SNX29: variants seen among roughly 807,000 people sequenced by gnomAD.
SNX29 encodes the protein sorting nexin-29.
SNX29 carries 78 observed loss-of-function variants against 102.1 expected under a neutral mutation model. The observed-to-expected ratio is 0.76, with a 90% CI of 0.64 to 0.92. The LOEUF is 0.92. SNX29 is among the 40% of genes least tolerant of loss of function. The probability of loss-of-function intolerance (pLI) is 0.00; values close to 1 mark genes in which losing one functional copy is unlikely to be tolerated. For missense variants in SNX29, 1,280 were observed against 1,061.7 expected, an observed-to-expected ratio of 1.21 and a Z score of -2.86; for synonymous variants, 580 against 414.5, an observed-to-expected ratio of 1.40 and a Z score of -4.85.
At chr16:12,245,523 G>T (rs891068082) in intron 14 of SNX29, among the ~76,000 whole-genome samples, 2 of 151,718 alleles carry the variant, frequency 1.3e-5, no homozygotes, top group South Asian at 4.2e-4. Context: ...ACTTCTTCTA[G>T]TTATATTTAT....
intron 13 of SNX29, among the ~76,000 whole-genome samples, chr16:12,158,865 T>G (rs1373026281): frequency 6.6e-6 from 1 of 152,220 alleles, no homozygotes; most frequent in Non-Finnish European, 1.5e-5. Context: ...AGTATTGACT[T>G]CTGTCCCACT....
At chr16:12,488,695 T>C (rs1033354100) in intron 19 of SNX29, among the ~76,000 whole-genome samples, 22 of 152,150 alleles carry the variant, frequency 1.4e-4, no homozygotes, top group Admixed American at 6.5e-5. Context: ...GATGCTCAGT[T>C]CCCATGTGGC....
chr16:12,088,259 C>G (rs568689918), intron 11 of SNX29: 1 of 384,408 alleles, frequency 2.6e-6, no homozygotes, highest in Non-Finnish European at 5.2e-6. Flanking sequence ...GCAGCGGGAC[C>G]GGCTCTGCGG....
intron 19 of SNX29, among the ~76,000 whole-genome samples, chr16:12,496,390 C>T (rs191892752): frequency 6.6e-6 from 1 of 152,238 alleles, no homozygotes; most frequent in East Asian, 1.9e-4. Flanking sequence ...CTCTTTATCT[C>T]ACGCTTCCTC....
chr16:12,391,552 C>A lies in SNX29; in HGVS notation c.1900-6894C>A, dbSNP rs553341135. 5.9e-5 allele frequency among the ~76,000 whole-genome samples: 9 copies of A among 152,296 alleles called. No individual in the cohort carries two copies. In the South Asian group the frequency reaches 1.7e-3, roughly 28 times the overall value. ...TTACAGTGAACACATGTATACCTAC[C>A]ACTTAGAGTCTACCATTAACATTTT... On this transcript the variant is annotated intron_variant, in intron 16 of 20. Transcript: ENST00000566228.
At chr16:12,022,628 C>T (rs1253667380) in intron 3 of SNX29, among the ~76,000 whole-genome samples, 2 of 152,176 alleles carry the variant, frequency 1.3e-5, no homozygotes, top group Non-Finnish European at 2.9e-5. Flanking sequence ...ATTTCAACTC[C>T]AGCCTTAGAG....
At chr16:12,522,292 C>T (rs936324760) in intron 19 of SNX29, among the ~76,000 whole-genome samples, 7 of 152,112 alleles carry the variant, frequency 4.6e-5, no homozygotes, top group South Asian at 2.1e-4. Context: ...CACTGGGTGC[C>T]GTGTATTCTC....
chr16:12,539,248 C>A (rs1214870117), intron 20 of SNX29, among the ~76,000 whole-genome samples: 1 of 152,176 alleles, frequency 6.6e-6, no homozygotes, highest in Admixed American at 6.5e-5. Context: ...CCCTAAAAAG[C>A]TGTTTTCCCC....
At chr16:12,320,965 G>A (rs752345738) in intron 15 of SNX29, among the ~76,000 whole-genome samples, 2 of 152,146 alleles carry the variant, frequency 1.3e-5, no homozygotes, top group African/African-American at 2.4e-5. Flanking sequence ...TTTGTTTTTC[G>A]TTATCTGTCC....
At chr16:12,101,604 G>A (rs2053024393) in intron 11 of SNX29, among the ~76,000 whole-genome samples, 1 of 151,852 alleles carries the variant, frequency 6.6e-6, no homozygotes. Context: ...GGCTGATCTT[G>A]AACTCCTGAC....
chr16:12,158,458 C>G (rs978448927), intron 13 of SNX29, among the ~76,000 whole-genome samples: 2 of 152,214 alleles, frequency 1.3e-5, no homozygotes, highest in African/African-American at 4.8e-5. Context: ...CCTCGGCCTC[C>G]CAAAGTGCTG....
intron 1 of SNX29, among the ~76,000 whole-genome samples, chr16:11,992,436 C>G (rs1279456513): frequency 1.3e-5 from 2 of 152,068 alleles, no homozygotes; most frequent in African/African-American, 2.4e-5. Context: ...TTTTCATCAC[C>G]CAAAGGAAAC....
intron 14 of SNX29, among the ~76,000 whole-genome samples, chr16:12,230,637 C>T (rs1455370410): frequency 6.6e-6 from 1 of 152,158 alleles, no homozygotes; most frequent in Non-Finnish European, 1.5e-5. Flanking sequence ...AACGAATGAG[C>T]AGATGGTAGG....
chr16:12,199,215 C>G (rs892639042), intron 13 of SNX29, among the ~76,000 whole-genome samples: 1 of 152,170 alleles, frequency 6.6e-6, no homozygotes, highest in African/African-American at 2.4e-5. Context: ...AGAGCATTCC[C>G]CAGGGTGAAT....
At chr16:12,531,386 G>A (rs762283243) in intron 20 of SNX29, among the ~76,000 whole-genome samples, 1 of 152,028 alleles carries the variant, frequency 6.6e-6, no homozygotes, top group African/African-American at 2.4e-5. Flanking sequence ...TGGATTGGGC[G>A]ATGGGCTAGG....
intron 18 of SNX29, among the ~76,000 whole-genome samples, chr16:12,445,820 G>A (rs563753979): frequency 1.1e-4 from 17 of 152,126 alleles, no homozygotes; most frequent in Admixed American, 9.2e-4. Context: ...TTCAAGCCTC[G>A]GGACAACGCT....
intron 20 of SNX29, among the ~76,000 whole-genome samples, chr16:12,541,312 G>A (rs2077328695): frequency 6.6e-6 from 1 of 152,172 alleles, no homozygotes; most frequent in Admixed American, 6.5e-5. Context: ...GGTCAGCCCT[G>A]ATGGAGGACT....
At chr16:12,480,398 T>G (rs900195862) in intron 19 of SNX29, among the ~76,000 whole-genome samples, 1 of 152,170 alleles carries the variant, frequency 6.6e-6, no homozygotes, top group African/African-American at 2.4e-5. Flanking sequence ...ATCATCATAG[T>G]CACATTTTTC....
chr16:12,255,726 C>T (rs2078553165), intron 14 of SNX29, among the ~76,000 whole-genome samples: 2 of 152,130 alleles, frequency 1.3e-5, no homozygotes. Flanking sequence ...TTTTTTAAGG[C>T]TGAGTAGCTT....
Sources: gnomAD v4.1 joint callset for allele counts (sites outside exome capture counted in the v4.1 genomes callset) on GRCh38, gnomAD v4.1.1 for gene constraint, MANE v1.5 for transcripts, NCBI Gene and HGNC (gene_info 2026-07-23, HGNC 2026-07-21) for gene names.